Variants in NEU3 observed in about 807,000 individuals in gnomAD.
NEU3 encodes neuraminidase 3.
A neutral mutation model predicts 11.4 loss-of-function variants in NEU3; 10 were observed. The observed-to-expected ratio is 0.88, with a 90% CI of 0.54 to 1.49. The LOEUF (loss-of-function observed/expected upper bound fraction) is 1.49. Among genes scored for constraint, NEU3 ranks in the 40% most tolerant of loss-of-function variants. NEU3 has a pLI of 0.00. For synonymous variants in NEU3, 212 were observed against 228.2 expected, an observed-to-expected ratio of 0.93 and a Z score of 0.64; for missense variants, 529 against 581.8, an observed-to-expected ratio of 0.91 and a Z score of 0.93.
chr11:74,997,330 G>T (rs1306341035), intron 2 of NEU3, among the ~76,000 whole-genome samples: 1 of 152,158 alleles, frequency 6.6e-6, no homozygotes, highest in Admixed American at 6.5e-5. Flanking sequence ...ACCATCCTCT[G>T]CTACTTTCCA....
chr11:74,989,163 G>A lies in NEU3; in HGVS notation c.94+9G>A. 6.5e-7 allele frequency: 1 copy of A among 1,549,812 alleles called. No homozygotes were observed. Among genetic ancestry groups the A allele is most frequent in the African/African-American group, 1.4e-5 (1 of 73,094 alleles). On this transcript the variant is annotated intron_variant, in intron 1 of 2. Transcript: ENST00000294064. ...GCCGGGGTCCAGTGCAGGTGAGCGG[G>A]GTTGGGAGACAGGAGAGCTCCCCGA...
intron 3 of NEU3, among the ~76,000 whole-genome samples, chr11:75,017,299 G>A (rs933568458): frequency 1.3e-5 from 2 of 152,154 alleles, no homozygotes; most frequent in Non-Finnish European, 2.9e-5. Context: ...TTGATGGGGT[G>A]GCAGACACAC....
At chr11:74,993,535 C>T (rs1948754420) in intron 1 of NEU3, among the ~76,000 whole-genome samples, 1 of 152,160 alleles carries the variant, frequency 6.6e-6, no homozygotes, top group Admixed American at 6.5e-5. Context: ...CAGAGGATGG[C>T]ATGTGAAATA....
intron 2 of NEU3, among the ~76,000 whole-genome samples, chr11:75,002,081 G>T (rs1250921353): frequency 6.6e-6 from 1 of 152,130 alleles, no homozygotes; most frequent in Non-Finnish European, 1.5e-5. Context: ...TTTGAAACAG[G>T]GTCTTGATCT....
At chr11:75,001,129 T>A (rs1019935352) in intron 2 of NEU3, among the ~76,000 whole-genome samples, 4 of 152,146 alleles carry the variant, frequency 2.6e-5, no homozygotes, top group Non-Finnish European at 5.9e-5. Context: ...TGTCATTTTC[T>A]GGTGTGTGTG....
Position 75,006,248 on chromosome 11 carries a change from A to C in NEU3, c.1142A>C (p.Asn381Thr). The C allele has an allele frequency of 1.2e-6, 2 of 1,613,828 alleles. No homozygotes were observed. The highest frequency in any genetic ancestry group is 1.7e-6 in the Non-Finnish European group (2 of 1,179,830). Residue 381 changes from asparagine (N) to threonine (T), a missense_variant, in exon 3 of 3, where the codon AAC becomes ACC. By Grantham distance (65) the Asn-to-Thr change is moderately conservative (BLOSUM62 0). Coordinates refer to ENST00000294064, the MANE Select transcript of NEU3 (RefSeq NM_006656.6). ...AGGGTTGACCTAGGTATCTATCTCA[A>C]CCAGACCCCCTTGGAGGCTGCCTGC... ...KQRVDLGIYL[N>T]QTPLEAACWS... is the part of the protein sequence containing the mutation.
chr11:75,004,763 T>C (rs1948881110), intron 2 of NEU3, among the ~76,000 whole-genome samples: 1 of 152,244 alleles, frequency 6.6e-6, no homozygotes, highest in Non-Finnish European at 1.5e-5. Context: ...TCTGAATCTA[T>C]GCTTGAGCTT....
At chr11:74,980,711 A>G in the NEU3 span, among the ~76,000 whole-genome samples, 6 of 152,342 alleles carry the variant, frequency 3.9e-5, no homozygotes, top group African/African-American at 1.4e-4. Flanking sequence ...GTCTGTTAAT[A>G]AGGAACTGGG....
At chr11:74,983,203 C>T in the NEU3 span, among the ~76,000 whole-genome samples, 1 of 152,108 alleles carries the variant, frequency 6.6e-6, no homozygotes, top group South Asian at 2.1e-4. Flanking sequence ...GATGGAGCCT[C>T]TAAACATTTA....
chr11:74,986,209 GTTTA>G (rs1367029092), upstream of NEU3, among the ~76,000 whole-genome samples: 8 of 152,106 alleles, frequency 5.3e-5, no homozygotes, highest in East Asian at 1.9e-4. Context: ...AAACATGACA[GTTTA>G]TTTACCCTAT....
upstream of NEU3, among the ~76,000 whole-genome samples, chr11:74,987,013 A>G (rs1948671098): frequency 6.6e-6 from 1 of 152,234 alleles, no homozygotes; most frequent in Non-Finnish European, 1.5e-5. Context: ...AAGGGAAGAA[A>G]AGGTGAGCAA....
downstream of NEU3, among the ~76,000 whole-genome samples, chr11:75,015,425 A>C (rs1197611467): frequency 6.6e-6 from 1 of 152,164 alleles, no homozygotes; most frequent in Non-Finnish European, 1.5e-5. Flanking sequence ...ACGTGTTAGC[A>C]ATACCTTCAA....
In NEU3 at chr11:75,010,225, C is replaced by T. The variant is rs1485543968; in HGVS notation, c.*3733C>T. 6.6e-6 allele frequency: 1 copy of T among 152,224 alleles called. No homozygotes were observed. Among genetic ancestry groups the T allele is most frequent in the Non-Finnish European group, 1.5e-5 (1 of 68,052 alleles). The allele number at this position is 152,224 out of a possible 1,614,324, so 9.4% of individuals were successfully genotyped here. ...TGACTCCTCACTGTGTCCTTTTTAC[C>T]TTGAATCACAGTGGCTTATCTAAAA... On this transcript the variant is annotated 3_prime_UTR_variant, in exon 3 of 3. Transcript: ENST00000294064.
At chr11:74,991,787 C>G (rs1948734908) in intron 1 of NEU3, among the ~76,000 whole-genome samples, 2 of 152,334 alleles carry the variant, frequency 1.3e-5, no homozygotes, top group Non-Finnish European at 2.9e-5. Context: ...TTTTAACCCT[C>G]AGTTGGCTAA....
Position 75,006,221 on chromosome 11 carries a change from A to C in NEU3, c.1115A>C (p.Gln372Pro). 6.2e-7 allele frequency: 1 copy of C among 1,614,022 alleles called. No individual in the cohort carries two copies. Among genetic ancestry groups the C allele is most frequent in the Non-Finnish European group, 8.5e-7 (1 of 1,179,886 alleles). ...TACTCACACCCAACCAGTAGGAAAC[A>C]GAGGGTTGACCTAGGTATCTATCTC... ...LLYSHPTSRKQRVDLGIYLNQ... is the reference protein window; with the variant it reads ...LLYSHPTSRKPRVDLGIYLNQ... The change falls in exon 3 of 3, where the codon CAG becomes CCG. Residue 372 changes from glutamine to proline, a missense_variant. Coordinates refer to ENST00000294064, the MANE Select transcript of NEU3 (RefSeq NM_006656.6).
rs760159058 is a variant in NEU3 at position 75,005,412 on chromosome 11, G to A, written c.307-1G>A. On this transcript the variant is annotated splice_acceptor_variant, in intron 2 of 2. Coordinates refer to ENST00000294064, the MANE Select transcript of NEU3 (RefSeq NM_006656.6). LOFTEE classifies it high-confidence loss of function. ...CTACTTTCTCCCTTCTCCTTGTCTA[G>A]TGGGGGCCCCTGAAGCCACTGATGG... 5.6e-5 allele frequency: 89 copies of A among 1,601,042 alleles called. No individual in the cohort carries two copies. Among genetic ancestry groups the A allele is most frequent in the Non-Finnish European group, 7.1e-5 (83 of 1,172,286 alleles).
chr11:75,000,463 A>G (rs1044065062), intron 2 of NEU3, among the ~76,000 whole-genome samples: 3 of 152,154 alleles, frequency 2.0e-5, no homozygotes, highest in African/African-American at 7.2e-5. Context: ...TAGATATCTC[A>G]TATAAGTGGA....
At chr11:74,990,364 C>CG (rs1555118243) in intron 1 of NEU3, among the ~76,000 whole-genome samples, 1 of 148,148 alleles carries the variant, frequency 6.8e-6, no homozygotes, top group Non-Finnish European at 1.5e-5. Flanking sequence ...TCTCCATTTC[C>CG]TTTTTTTTTT....
At chr11:75,005,353 A>G in intron 2 of NEU3, 60 bp from the exon 3 acceptor site, 1 of 1,438,812 alleles carries the variant, frequency 7.0e-7, no homozygotes, top group Non-Finnish European at 9.2e-7. Flanking sequence ...AATACTTTTA[A>G]TGAGCTTCAT....
Sources: gnomAD v4.1 joint callset for allele counts (sites outside exome capture counted in the v4.1 genomes callset) on GRCh38, gnomAD v4.1.1 for gene constraint, MANE v1.5 for transcripts, NCBI Gene and HGNC (gene_info 2026-07-23, HGNC 2026-07-21) for gene names.